The following PATJ variants were observed in gnomAD, a reference collection of about 807,000 sequenced individuals.
PATJ encodes PATJ crumbs cell polarity complex component, also known as inaD-like protein.
In PATJ, 190 loss-of-function variants were observed where a neutral mutation model predicts 224.9. The observed-to-expected ratio is 0.84, with a 90% CI of 0.75 to 0.95. The LOEUF (loss-of-function observed/expected upper bound fraction) is 0.95. PATJ is among the 40% of genes least tolerant of loss of function. The pLI, the probability that PATJ is intolerant of heterozygous loss-of-function variation, is 0.00. For synonymous variants in PATJ, 769 were observed against 820.3 expected, an observed-to-expected ratio of 0.94 and a Z score of 1.07; for missense variants, 2,121 against 2,270.3, an observed-to-expected ratio of 0.93 and a Z score of 1.34.
At chr1:62,052,230 T>C (rs570698393) in intron 31 of PATJ, among the ~76,000 whole-genome samples, 1 of 152,276 alleles carries the variant, frequency 6.6e-6, no homozygotes, top group East Asian at 1.9e-4. Flanking sequence ...ATTTGAGAAA[T>C]CATCCATTTA....
At position 62,077,930 on chromosome 1, in the gene PATJ, G is replaced by A. The variant is rs945947880; in HGVS notation, c.4126-1520G>A. On this transcript the variant is annotated intron_variant, in intron 31 of 43. Coordinates refer to ENST00000642238, the MANE Select transcript of PATJ (RefSeq NM_001350145.3). ...ATATTTAACTGTCGGGGTTGTTCATGTGATTGAATGAATTTATGGATGTAA... is the reference window on the plus strand; with the variant it reads ...ATATTTAACTGTCGGGGTTGTTCATATGATTGAATGAATTTATGGATGTAA... 5.3e-5 allele frequency among the ~76,000 whole-genome samples: 8 copies of A among 152,226 alleles called. No individual in the cohort carries two copies. In the East Asian group the frequency reaches 1.5e-3, roughly 29 times the overall value.
At chr1:62,051,701 G>A (rs1653660687) in intron 31 of PATJ, among the ~76,000 whole-genome samples, 1 of 152,068 alleles carries the variant, frequency 6.6e-6, no homozygotes, top group South Asian at 2.1e-4. Context: ...AGTCCTGGAG[G>A]CACAAGAAAA....
At chr1:61,844,744 G>C (rs541845743) in intron 17 of PATJ, among the ~76,000 whole-genome samples, 1 of 152,050 alleles carries the variant, frequency 6.6e-6, no homozygotes, top group African/African-American at 2.4e-5. Context: ...GGAGGTAATT[G>C]GATCATGGGG....
At chr1:61,891,248 G>T (rs139818779) in intron 22 of PATJ, among the ~76,000 whole-genome samples, 2 of 152,278 alleles carry the variant, frequency 1.3e-5, no homozygotes, top group Non-Finnish European at 2.9e-5. Context: ...AGGAGGCTAG[G>T]TGTCATAGTT....
intron 10 of PATJ, among the ~76,000 whole-genome samples, chr1:61,796,862 C>T (rs1044432740): frequency 6.8e-6 from 1 of 147,444 alleles, no homozygotes; most frequent in East Asian, 2.0e-4. Flanking sequence ...CTTTCCTTCC[C>T]TCTTTCCTTC....
intron 27 of PATJ, among the ~76,000 whole-genome samples, chr1:61,957,456 T>C (rs530353601): frequency 3.3e-5 from 5 of 152,240 alleles, no homozygotes; most frequent in Non-Finnish European, 7.3e-5. Context: ...ATTTTCCTGC[T>C]TTCCGTCTTT....
chr1:61,837,517 A>G (rs1194684794), intron 17 of PATJ, among the ~76,000 whole-genome samples: 1 of 152,148 alleles, frequency 6.6e-6, no homozygotes, highest in African/African-American at 2.4e-5. Context: ...GACCAGGCGC[A>G]GTGGCTCACA....
chr1:62,067,116 AT>A (rs925536028), intron 31 of PATJ, among the ~76,000 whole-genome samples: 7 of 131,914 alleles, frequency 5.3e-5, no homozygotes, highest in African/African-American at 2.2e-4. Flanking sequence ...CATAATTCCT[AT>A]TCTTTCTTTT....
At chr1:61,842,339 T>C (rs1266240247) in intron 17 of PATJ, among the ~76,000 whole-genome samples, 2 of 152,166 alleles carry the variant, frequency 1.3e-5, no homozygotes, top group Non-Finnish European at 2.9e-5. Context: ...TGCAGGGATT[T>C]CATCGCTCTG....
At chr1:61,971,201 G>A (rs974020890) in intron 27 of PATJ, among the ~76,000 whole-genome samples, 3 of 152,222 alleles carry the variant, frequency 2.0e-5, no homozygotes, top group Non-Finnish European at 2.9e-5. Flanking sequence ...TTCATGGCTA[G>A]AAAGTAGAGT....
intron 31 of PATJ, among the ~76,000 whole-genome samples, chr1:62,058,641 A>G (rs1654924888): frequency 6.6e-6 from 1 of 152,224 alleles, no homozygotes; most frequent in Non-Finnish European, 1.5e-5. Context: ...AATTTCTGAC[A>G]CAGCACGTGG....
At chr1:61,966,691 A>G (rs1489106877) in intron 27 of PATJ, among the ~76,000 whole-genome samples, 1 of 151,948 alleles carries the variant, frequency 6.6e-6, no homozygotes, top group Non-Finnish European at 1.5e-5. Flanking sequence ...CATCTCAAAA[A>G]AAAAAAAAAA....
intron 10 of PATJ, among the ~76,000 whole-genome samples, chr1:61,796,438 G>A (rs58786232): frequency 0.18 from 27,344 of 152,138 alleles, 2,630 homozygotes; most frequent in Non-Finnish European, 0.21. Context: ...CTTCAGTTTT[G>A]ATAATAATGG....
intron 25 of PATJ, among the ~76,000 whole-genome samples, chr1:61,909,439 A>G (rs762784494): frequency 3.9e-5 from 6 of 152,192 alleles, no homozygotes; most frequent in Non-Finnish European, 8.8e-5. Flanking sequence ...TTCATTTTAT[A>G]ATGGAAGACA....
chr1:61,779,021 A>G (rs983774984), intron 7 of PATJ, among the ~76,000 whole-genome samples: 26 of 148,126 alleles, frequency 1.8e-4, no homozygotes, highest in South Asian at 8.8e-4. Flanking sequence ...TTTGGAAAAT[A>G]TAGCTCTTTT....
chr1:61,840,298 A>G (rs1660877238), intron 17 of PATJ, among the ~76,000 whole-genome samples: 1 of 152,074 alleles, frequency 6.6e-6, no homozygotes, highest in South Asian at 2.1e-4. Flanking sequence ...TTCTGAGCAC[A>G]TTGAAAATGT....
At chr1:62,117,519 AGG>A in intron 37 of PATJ, 5 of 621,964 alleles carry the variant, frequency 8.0e-6, no homozygotes, top group Non-Finnish European at 1.1e-5. Flanking sequence ...AAAAAAAAAA[AGG>A]CAACATCTGG....
intron 1 of PATJ, among the ~76,000 whole-genome samples, chr1:61,746,094 A>T (rs1570197073): frequency 6.7e-6 from 1 of 148,246 alleles, no homozygotes; most frequent in African/African-American, 2.5e-5. Context: ...ACCACTGGGT[A>T]ATATATATAT....
rs764054319 is a variant in PATJ at position 61,856,152 on chromosome 1, G to A, written c.2235G>A (p.Leu745=). Residue 745 remains leucine, a synonymous_variant, in exon 18 of 44, where the codon TTG becomes TTA. Transcript: ENST00000642238. ...TGGTCTCAGTCAATGAATACTGTTTGGACAACACCTCACTTGCTGAAGCTG... is the reference window on the plus strand; with the variant it reads ...TGGTCTCAGTCAATGAATACTGTTTAGACAACACCTCACTTGCTGAAGCTG... ...DRLVSVNEYC[L]DNTSLAEAVE... 6.2e-7 allele frequency: 1 copy of A among 1,614,140 alleles called. No individual in the cohort carries two copies. The highest frequency in any genetic ancestry group is 8.5e-7 in the Non-Finnish European group (1 of 1,179,980).
Sources: gnomAD v4.1 joint callset for allele counts (sites outside exome capture counted in the v4.1 genomes callset) on GRCh38, gnomAD v4.1.1 for gene constraint, MANE v1.5 for transcripts, NCBI Gene and HGNC (gene_info 2026-07-23, HGNC 2026-07-21) for gene names.